CD276: variants seen among roughly 807,000 people sequenced by gnomAD.
CD276 encodes the protein CD276 antigen.
Under a neutral mutation model 50.0 loss-of-function variants are expected in CD276, and 34 were observed. That is an observed-to-expected ratio of 0.68 (90% CI 0.52 to 0.91). The LOEUF is 0.91. Ranked by LOEUF, CD276 falls within the 40% of genes least tolerant of loss-of-function variation. The probability of loss-of-function intolerance (pLI) is 0.00; values close to 1 mark genes in which losing one functional copy is unlikely to be tolerated. For missense variants in CD276, 634 were observed against 717.5 expected, an observed-to-expected ratio of 0.88 and a Z score of 1.33; for synonymous variants, 275 against 313.0, an observed-to-expected ratio of 0.88 and a Z score of 1.28.
At chr15:73,698,813 C>T (rs1016708929) in intron 1 of CD276, among the ~76,000 whole-genome samples, 15 of 152,210 alleles carry the variant, frequency 9.9e-5, no homozygotes, top group Non-Finnish European at 2.1e-4. Context: ...TCGCCTGCCT[C>T]AGCCTCCCAA....
intron 1 of CD276, among the ~76,000 whole-genome samples, chr15:73,694,794 T>C (rs934040196): frequency 6.6e-6 from 1 of 152,192 alleles, no homozygotes; most frequent in Non-Finnish European, 1.5e-5. Context: ...AAGGCTGGGA[T>C]CTGCAGTCGT....
chr15:73,713,194 A>AGT lies in CD276; in HGVS notation c.*239_*240dup. ...CAATGAACAGACCACCCACAACCTT[A>AGT]GTTCTCTAAGTCATCCTGCCTGCTG... On this transcript the variant is annotated 3_prime_UTR_variant, in exon 10 of 10. Coordinates refer to ENST00000318443, the MANE Select transcript of CD276 (RefSeq NM_001024736.2). 1 of 499,378 alleles carries AGT rather than the reference A, an allele frequency of 2.0e-6. No homozygotes were observed. The highest frequency in any genetic ancestry group is 5.1e-4 in the Middle Eastern group (1 of 1,974). The allele number at this position is 499,378 out of a possible 1,614,324, so 30.9% of individuals were successfully genotyped here.
At chr15:73,690,904 G>T in intron 1 of CD276, 1 of 407,478 alleles carries the variant, frequency 2.5e-6, no homozygotes, top group African/African-American at 2.1e-5. Flanking sequence ...CTATGGAGGA[G>T]CTGCGATCTT....
intron 1 of CD276, among the ~76,000 whole-genome samples, chr15:73,695,385 C>T (rs137965745): frequency 0.013 from 1,998 of 152,228 alleles, 31 homozygotes; most frequent in Middle Eastern, 0.031. Context: ...AGCGCGGCTA[C>T]CTGGGGAGCT....
Position 73,702,262 on chromosome 15 carries a change from G to A in CD276, c.87G>A (p.Leu29=). The A allele has an allele frequency of 1.2e-6, 2 of 1,608,016 alleles. No homozygotes were observed. The highest frequency in any genetic ancestry group is 1.7e-6 in the Non-Finnish European group (2 of 1,177,128). Residue 29 remains leucine (L), a synonymous_variant, in exon 3 of 10, where the codon CTG becomes CTA. Coordinates refer to ENST00000318443, the MANE Select transcript of CD276 (RefSeq NM_001024736.2). ...CACTCCCCCTACCCCCAGGAGCCCT[G>A]GAGGTCCAGGTCCCTGAAGACCCAG... ...GALWFCLTGA[L]EVQVPEDPVV... is the part of the protein sequence containing the mutation.
chr15:73,703,155 G>C, intron 4 of CD276, 69 bp downstream of exon 4: 2 of 1,490,180 alleles, frequency 1.3e-6, no homozygotes, highest in East Asian at 2.5e-5. Flanking sequence ...TGGGAGCTCC[G>C]AATCTGGCCC....
intron 8 of CD276, among the ~76,000 whole-genome samples, chr15:73,710,255 TAC>T (rs1900838848): frequency 6.6e-6 from 1 of 152,364 alleles, no homozygotes; most frequent in South Asian, 2.1e-4. Context: ...CTGTTCTAGT[TAC>T]AGACTGTGTA....
At chr15:73,709,730 G>A in intron 8 of CD276, 41 bp downstream of exon 8, 1 of 1,590,896 alleles carries the variant, frequency 6.3e-7, no homozygotes, top group Non-Finnish European at 8.6e-7. Flanking sequence ...GCTGGGAGAG[G>A]GACATATGGG....
Position 73,703,713 on chromosome 15 carries a change from A to C in CD276, c.788A>C (p.Asp263Ala), listed in dbSNP as rs1290024101. 2 of 1,613,116 alleles carry C rather than the reference A, an allele frequency of 1.2e-6. No individual in the cohort carries two copies. The highest frequency in any genetic ancestry group is 1.7e-6 in the Non-Finnish European group (2 of 1,179,924). Residue 263 changes from aspartate (D) to alanine (A), a missense_variant, in exon 5 of 10, where the codon GAT (aspartate) becomes GCT (alanine). By Grantham distance (126) the Asp-to-Ala change is moderately radical. Transcript: ENST00000318443. ...CCGGTGGTGGCCCTAGTGGGCACCG[A>C]TGCCACCCTGCGCTGCTCCTTCTCC... ...EDPVVALVGT[D>A]ATLRCSFSPE...
Position 73,708,457 on chromosome 15 carries a change from T to C in CD276, c.1488T>C (p.Cys496=), listed in dbSNP as rs1567023134. 1 of 1,613,562 alleles carries C rather than the reference T, an allele frequency of 6.2e-7. No homozygotes were observed. Among genetic ancestry groups the C allele is most frequent in the Non-Finnish European group, 8.5e-7 (1 of 1,179,852 alleles). ...FVCWRKIKQS[C]EEENAGAEDQ... Reference sequence around the variant, plus strand: ...GCTGGAGAAAGATCAAACAGAGCTGTGAGGAGGAGAATGCAGGTGAGTGTG... The same window carrying C: ...GCTGGAGAAAGATCAAACAGAGCTGCGAGGAGGAGAATGCAGGTGAGTGTG... Residue 496 remains cysteine (C), a synonymous_variant, in exon 7 of 10, where the codon TGT becomes TGC. Coordinates refer to ENST00000318443, the MANE Select transcript of CD276 (RefSeq NM_001024736.2).
Position 73,704,463 on chromosome 15 carries a change from A to G in CD276, c.1360A>G (p.Thr454Ala). 6.2e-7 allele frequency: 1 copy of G among 1,612,976 alleles called. No individual in the cohort carries two copies. Among genetic ancestry groups the G allele is most frequent in the East Asian group, 2.2e-5 (1 of 44,866 alleles). Residue 454 changes from threonine to alanine, a missense_variant, in exon 6 of 10, where the codon ACC (threonine) becomes GCC (alanine). Transcript: ENST00000318443. This position sits in a 1 kb window ranked among gnomAD's most constrained non-coding sequence, Gnocchi z 4.1. ...VLQQDAHGSV[T>A]ITGQPMTFPP... ...GCAGCAGGATGCGCACGGCTCTGTC[A>G]CCATCACAGGTAAGGGCAGATGAAC...
At chr15:73,685,985 T>C (rs1899745790) in intron 1 of CD276, among the ~76,000 whole-genome samples, 1 of 152,118 alleles carries the variant, frequency 6.6e-6, no homozygotes, top group African/African-American at 2.4e-5. Flanking sequence ...ACACTTAGGG[T>C]AACTGTTGAC....
chr15:73,707,427 C>T (rs754808629), intron 6 of CD276, among the ~76,000 whole-genome samples: 33 of 152,304 alleles, frequency 2.2e-4, no homozygotes, highest in Middle Eastern at 3.4e-3. Context: ...TCCCTCTTGA[C>T]GTGACAGCTC....
At position 73,703,683 on chromosome 15, in the gene CD276, AG is replaced by A; in HGVS notation, c.760del (p.Asp254ThrfsTer6). The A allele has an allele frequency of 1.9e-6, 3 of 1,612,114 alleles. No homozygotes were observed. Among genetic ancestry groups the A allele is most frequent in the Non-Finnish European group, 2.5e-6 (3 of 1,179,368 alleles). On this transcript the variant is annotated frameshift_variant, in exon 5 of 10. Coordinates refer to ENST00000318443, the MANE Select transcript of CD276 (RefSeq NM_001024736.2). LOFTEE classifies it high-confidence loss of function. ...PTGAVEVQVP[E>X]DPVVALVGTD... ...GGAGCCGTGGAGGTCCAGGTCCCTGAGGACCCGGTGGTGGCCCTAGTGGGCA... is the reference window on the plus strand; with the variant it reads ...GGAGCCGTGGAGGTCCAGGTCCCTGAGACCCGGTGGTGGCCCTAGTGGGCA...
intron 1 of CD276, among the ~76,000 whole-genome samples, chr15:73,688,713 G>A (rs936028113): frequency 2.0e-5 from 3 of 152,210 alleles, no homozygotes; most frequent in African/African-American, 7.2e-5. Flanking sequence ...GGAGCTAGGC[G>A]CTGGACCAGG....
rs79230910 is a variant in CD276 at position 73,685,362 on chromosome 15, C to T, written c.-55+902C>T. Reference sequence around the variant, plus strand: ...GCAGGGGATTTATTTCTAAGCCAAACCTGCTCTAATGAGAAAAGCGTGATA... The same window carrying T: ...GCAGGGGATTTATTTCTAAGCCAAATCTGCTCTAATGAGAAAAGCGTGATA... On this transcript the variant is annotated intron_variant, in intron 1 of 9. Transcript: ENST00000318443. 4.3e-4 allele frequency among the ~76,000 whole-genome samples: 65 copies of T among 151,978 alleles called. No individual in the cohort carries two copies. The East Asian group carries it at 0.012, about 28-fold the overall frequency.
chr15:73,690,995 T>C (rs1370775485), intron 1 of CD276, among the ~76,000 whole-genome samples: 2 of 150,916 alleles, frequency 1.3e-5, no homozygotes, highest in Admixed American at 1.3e-4. Context: ...ATAGCAATTA[T>C]TCTGGCTGTT....
At chr15:73,690,645 A>G in intron 1 of CD276, 1 of 454,462 alleles carries the variant, frequency 2.2e-6, no homozygotes, top group Non-Finnish European at 4.4e-6. Flanking sequence ...CTGTGATAAC[A>G]GCATTAATCT....
chr15:73,688,595 G>A lies in CD276; in HGVS notation c.-55+4135G>A, dbSNP rs143977421. 4.7e-3 allele frequency among the ~76,000 whole-genome samples: 710 copies of A among 152,340 alleles called. 3 individuals are homozygous for A. The highest frequency in any genetic ancestry group is 0.016 in the African/African-American group (677 of 41,574). ...CAATAAGTGAGGAAGAGAGATAGGA[G>A]CATCAGCTGGCTCTTAGTCACTTCT... On this transcript the variant is annotated intron_variant, in intron 1 of 9. Transcript: ENST00000318443.
Sources: allele counts gnomAD v4.1 joint callset (sites outside exome capture counted in the v4.1 genomes callset), GRCh38; gene constraint gnomAD v4.1.1; non-coding constraint Gnocchi (gnomAD v3.1); transcripts MANE v1.5; gene names NCBI Gene and HGNC (gene_info 2026-07-23, HGNC 2026-07-21).